Variants in ZBTB7C observed in about 807,000 individuals in gnomAD.
ZBTB7C encodes zinc finger and BTB domain containing 7C.
ZBTB7C carries 8 observed loss-of-function variants against 25.7 expected under a neutral mutation model. The ratio of observed to expected loss-of-function variants is 0.31; its 90% CI spans 0.18 to 0.56. ZBTB7C has a LOEUF of 0.56. Among genes scored for constraint, ZBTB7C ranks in the 20% least tolerant of loss-of-function variants. The pLI is 0.91. For missense variants in ZBTB7C, 824 were observed against 855.2 expected, an observed-to-expected ratio of 0.96 and a Z score of 0.46; for synonymous variants, 394 against 369.0, an observed-to-expected ratio of 1.07 and a Z score of -0.78.
intron 2 of ZBTB7C, among the ~76,000 whole-genome samples, chr18:48,191,842 C>G (rs893859700): frequency 9.2e-5 from 14 of 152,160 alleles, no homozygotes; most frequent in Admixed American, 5.9e-4. Flanking sequence ...AATCAACCAC[C>G]CTTGGAATGC....
intron 2 of ZBTB7C, among the ~76,000 whole-genome samples, chr18:48,229,720 C>A (rs190269509): frequency 1.8e-4 from 28 of 152,220 alleles, no homozygotes; most frequent in African/African-American, 6.5e-4. Context: ...GCTCTGTTGG[C>A]GGGAATTGTC....
At chr18:48,262,574 C>T (rs912035248) in intron 2 of ZBTB7C, among the ~76,000 whole-genome samples, 2 of 152,116 alleles carry the variant, frequency 1.3e-5, no homozygotes, top group Admixed American at 1.3e-4. Flanking sequence ...AGAGTGGTCT[C>T]ATCTTGGAGT....
At chr18:48,205,618 AG>A (rs1436868475) in intron 2 of ZBTB7C, among the ~76,000 whole-genome samples, 1 of 151,976 alleles carries the variant, frequency 6.6e-6, no homozygotes, top group Non-Finnish European at 1.5e-5. Flanking sequence ...TTATATGTTT[AG>A]TCATCTATGG....
intron 1 of ZBTB7C, among the ~76,000 whole-genome samples, chr18:48,339,656 G>A (rs1165740277): frequency 6.6e-6 from 1 of 152,178 alleles, no homozygotes; most frequent in Non-Finnish European, 1.5e-5. Context: ...TCAGGGGTGG[G>A]GGATGAGTGG....
chr18:48,083,428 G>T (rs984125300), intron 3 of ZBTB7C, among the ~76,000 whole-genome samples: 1 of 151,654 alleles, frequency 6.6e-6, no homozygotes, highest in Admixed American at 6.6e-5. Context: ...CTCGTCCCCT[G>T]CCTGTCCTCA....
chr18:48,116,856 C>T (rs2039457589), intron 3 of ZBTB7C, among the ~76,000 whole-genome samples: 1 of 152,124 alleles, frequency 6.6e-6, no homozygotes, highest in Admixed American at 6.5e-5. Context: ...TTAGGCAGGC[C>T]AACTAGTTCT....
At chr18:48,042,675 T>G (rs2144175729) in intron 3 of ZBTB7C, among the ~76,000 whole-genome samples, 1 of 152,290 alleles carries the variant, frequency 6.6e-6, no homozygotes, top group Middle Eastern at 3.4e-3. Context: ...AGCCCAGGCG[T>G]TCCCTAAGCA....
chr18:48,221,880 G>A (rs371214194), intron 2 of ZBTB7C, among the ~76,000 whole-genome samples: 74 of 143,592 alleles, frequency 5.2e-4, no homozygotes, highest in African/African-American at 1.8e-3. Context: ...TACTGTCCTA[G>A]TCTCCTCTAT....
chr18:48,083,985 C>T, intron 3 of ZBTB7C: 1 of 667,784 alleles, frequency 1.5e-6, no homozygotes, highest in Non-Finnish European at 1.9e-6. Flanking sequence ...GCAGGGACAG[C>T]CTCCTCCCTT....
intron 1 of ZBTB7C, among the ~76,000 whole-genome samples, chr18:48,371,267 T>C (rs2047382422): frequency 6.6e-6 from 1 of 152,188 alleles, no homozygotes; most frequent in Non-Finnish European, 1.5e-5. Context: ...CCTCCTGGTG[T>C]TTCTGTCCCC....
At chr18:48,398,782 A>G (rs2048089558) in intron 1 of ZBTB7C, among the ~76,000 whole-genome samples, 1 of 152,150 alleles carries the variant, frequency 6.6e-6, no homozygotes, top group South Asian at 2.1e-4. Flanking sequence ...AGCTCAGGAA[A>G]CACTGATTTC....
chr18:48,399,042 C>T (rs146752025), intron 1 of ZBTB7C, among the ~76,000 whole-genome samples: 427 of 152,226 alleles, frequency 2.8e-3, no homozygotes, highest in Non-Finnish European at 4.5e-3. Flanking sequence ...TCCATGTAGG[C>T]GGGCTGGTTA....
intron 1 of ZBTB7C, among the ~76,000 whole-genome samples, chr18:48,381,618 T>C (rs2047635381): frequency 6.6e-6 from 1 of 152,138 alleles, no homozygotes; most frequent in Non-Finnish European, 1.5e-5. Flanking sequence ...CATAAATATG[T>C]TGGGAGGATG....
intron 2 of ZBTB7C, among the ~76,000 whole-genome samples, chr18:48,337,390 G>C (rs1483161711): frequency 1.3e-5 from 2 of 152,180 alleles, no homozygotes; most frequent in Non-Finnish European, 2.9e-5. Context: ...ATGGGAACAG[G>C]CTGTGCCATT....
At chr18:48,057,094 T>C (rs374974077) in intron 3 of ZBTB7C, among the ~76,000 whole-genome samples, 99 of 131,758 alleles carry the variant, frequency 7.5e-4, no homozygotes, top group African/African-American at 2.6e-3. Flanking sequence ...AGGAAGATCA[T>C]AGAAAAATAA....
At chr18:48,387,170 G>T (rs2047767541) in intron 1 of ZBTB7C, among the ~76,000 whole-genome samples, 1 of 152,194 alleles carries the variant, frequency 6.6e-6, no homozygotes, top group Non-Finnish European at 1.5e-5. Flanking sequence ...TGGAGTCAGG[G>T]TATGCAAAGA....
At position 48,208,988 on chromosome 18, in the gene ZBTB7C, G is replaced by A. The variant is rs528374025; in HGVS notation, c.-78-22993C>T. ...TGTAATACTGTTTAAAAATAAAGTC[G>A]AAAAAGTAACAACTAAATAGATGAC... On this transcript the variant is annotated intron_variant, in intron 2 of 4. Coordinates refer to ENST00000590800, the MANE Select transcript of ZBTB7C (RefSeq NM_001318841.2). Among the ~76,000 whole-genome samples, 7 of 152,210 alleles carry A rather than the reference G, an allele frequency of 4.6e-5. No individual in the cohort carries two copies. In the East Asian group the frequency reaches 5.8e-4, roughly 13 times the overall value.
intron 3 of ZBTB7C, among the ~76,000 whole-genome samples, chr18:48,178,076 C>A (rs1261101370): frequency 6.6e-6 from 1 of 151,526 alleles, no homozygotes; most frequent in African/African-American, 2.4e-5. Flanking sequence ...TGTAACAGCT[C>A]CCCAGTGTTC....
At chr18:48,132,947 G>A (rs751208455) in intron 3 of ZBTB7C, among the ~76,000 whole-genome samples, 2 of 152,212 alleles carry the variant, frequency 1.3e-5, no homozygotes, top group African/African-American at 4.8e-5. Context: ...AGGGCCACAT[G>A]TACATTTGCA....
Sources: allele counts gnomAD v4.1 joint callset (sites outside exome capture counted in the v4.1 genomes callset), GRCh38; gene constraint gnomAD v4.1.1; transcripts MANE v1.5; gene names NCBI Gene and HGNC (gene_info 2026-07-23, HGNC 2026-07-21).